Variants in PRRC2C observed in about 807,000 individuals in gnomAD.
PRRC2C encodes the protein protein PRRC2C.
In PRRC2C, 72 loss-of-function variants were observed where a neutral mutation model predicts 317.2. The ratio of observed to expected loss-of-function variants is 0.23; its 90% CI spans 0.19 to 0.28. The LOEUF (loss-of-function observed/expected upper bound fraction) is 0.28, where lower values mean the gene tolerates loss of function less well. PRRC2C is among the 10% of genes least tolerant of loss of function. The pLI, the probability that PRRC2C is intolerant of heterozygous loss-of-function variation, is 1.00. For synonymous variants in PRRC2C, 1,296 were observed against 1,205.9 expected, an observed-to-expected ratio of 1.07 and a Z score of -1.55; for missense variants, 3,074 against 3,459.7, an observed-to-expected ratio of 0.89 and a Z score of 2.80.
chr1:171,521,006 A>G (rs1039908919), intron 6 of PRRC2C, among the ~76,000 whole-genome samples: 4 of 151,800 alleles, frequency 2.6e-5, no homozygotes, highest in South Asian at 2.1e-4. Flanking sequence ...GGGTTTCACC[A>G]TGTTAGCCAG....
At chr1:171,545,729 A>ATTTT (rs1425685210) in intron 17 of PRRC2C, 42 bp downstream of exon 17, 1 of 1,090,386 alleles carries the variant, frequency 9.2e-7, no homozygotes, top group Non-Finnish European at 1.2e-6. Flanking sequence ...TTATTTATTT[A>ATTTT]TTTATTTATT....
chr1:171,561,368 C>G (rs1455361102), intron 20 of PRRC2C, among the ~76,000 whole-genome samples: 1 of 152,164 alleles, frequency 6.6e-6, no homozygotes, highest in East Asian at 1.9e-4. Context: ...TGGACTGTCA[C>G]TTGAGCCTGG....
intron 16 of PRRC2C, among the ~76,000 whole-genome samples, chr1:171,543,739 T>G (rs570698409): frequency 2.6e-5 from 4 of 152,356 alleles, no homozygotes; most frequent in Non-Finnish European, 2.9e-5. Flanking sequence ...TCTGTTGATA[T>G]AACTAAATAC....
intron 6 of PRRC2C, among the ~76,000 whole-genome samples, chr1:171,519,128 C>T (rs1387993384): frequency 6.6e-6 from 1 of 152,176 alleles, no homozygotes; most frequent in Non-Finnish European, 1.5e-5. Flanking sequence ...AAGTGATCCA[C>T]CCGCCTCAGC....
chr1:171,542,943 G>A (rs1286613409), intron 16 of PRRC2C, among the ~76,000 whole-genome samples: 4 of 151,594 alleles, frequency 2.6e-5, no homozygotes, highest in African/African-American at 7.3e-5. Flanking sequence ...TGTATTTTTA[G>A]TAGAGACGGG....
At chr1:171,494,692 G>A (rs1244012678) in intron 1 of PRRC2C, among the ~76,000 whole-genome samples, 6 of 151,752 alleles carry the variant, frequency 4.0e-5, no homozygotes, top group East Asian at 3.9e-4. Flanking sequence ...ACAAATTTCC[G>A]TATTTAGCAT....
intron 9 of PRRC2C, among the ~76,000 whole-genome samples, chr1:171,524,430 C>T (rs952348535): frequency 2.6e-5 from 4 of 152,008 alleles, no homozygotes; most frequent in Non-Finnish European, 5.9e-5. Flanking sequence ...TGTGGTTTGT[C>T]GTGGCTTTGA....
chr1:171,545,494 G>T lies in PRRC2C; in HGVS notation c.4779G>T (p.Gln1593His). The T allele has an allele frequency of 6.4e-7, 1 of 1,569,110 alleles. No homozygotes were observed. Among genetic ancestry groups the T allele is most frequent in the Non-Finnish European group, 8.6e-7 (1 of 1,156,534 alleles). ...TTTTTTGTAGGCCATTTGATGACCA[G>T]CCTGCAGGCACAACTGGGGTTGACC... ...KSGKRGPFDD[Q>H]PAGTTGVDLI... Residue 1593 changes from glutamine (Q) to histidine (H), a missense_variant, in exon 17 of 35, where the codon CAG becomes CAT. Gln to His is a conservative substitution (Grantham distance 24). Coordinates refer to ENST00000647382, the MANE Select transcript of PRRC2C (RefSeq NM_001387844.1).
chr1:171,489,609 C>G (rs1666745937), intron 1 of PRRC2C, among the ~76,000 whole-genome samples: 1 of 152,184 alleles, frequency 6.6e-6, no homozygotes, highest in Non-Finnish European at 1.5e-5. Flanking sequence ...TTCTTGAGCA[C>G]TTACTATGCC....
At chr1:171,586,580 A>ATTTTATTTTATTTT (rs1650063392) in intron 30 of PRRC2C, among the ~76,000 whole-genome samples, 1 of 148,222 alleles carries the variant, frequency 6.7e-6, no homozygotes, top group Admixed American at 6.8e-5. Flanking sequence ...ATTTTATTTT[A>ATTTTATTTTATTTT]TTTTATTTTA....
intron 26 of PRRC2C, among the ~76,000 whole-genome samples, chr1:171,578,281 G>A (rs974062852): frequency 1.1e-4 from 16 of 152,030 alleles, no homozygotes; most frequent in African/African-American, 3.9e-4. Context: ...GGCTGGGTGT[G>A]GTGGCTCATA....
intron 26 of PRRC2C, among the ~76,000 whole-genome samples, chr1:171,578,711 T>C (rs897353861): frequency 2.4e-4 from 36 of 152,000 alleles, no homozygotes; most frequent in Admixed American, 1.5e-3. Flanking sequence ...CTACTAAAAA[T>C]ACAAAAATTG....
At chr1:171,549,617 A>G (rs1245909605) in intron 17 of PRRC2C, among the ~76,000 whole-genome samples, 2 of 152,228 alleles carry the variant, frequency 1.3e-5, no homozygotes, top group African/African-American at 4.8e-5. Flanking sequence ...GCTGGAATGC[A>G]GTGGCACGGT....
chr1:171,584,921 G>A (rs1269603380), intron 30 of PRRC2C, among the ~76,000 whole-genome samples: 2 of 152,050 alleles, frequency 1.3e-5, no homozygotes, highest in African/African-American at 2.4e-5. Flanking sequence ...ACAGGCTCAC[G>A]CCATTATGCC....
chr1:171,557,679 C>T lies in PRRC2C; in HGVS notation c.5567C>T (p.Thr1856Ile). 1.9e-6 allele frequency: 3 copies of T among 1,551,658 alleles called. No individual in the cohort carries two copies. Among genetic ancestry groups the T allele is most frequent in the South Asian group, 2.4e-5 (2 of 84,054 alleles). ...TCAGTTTCAACCCCAGCTTCTGTCA[C>T]CATTCTTGCCTCAGCCTCAATTCCC... is the stretch of plus-strand genomic sequence containing the variant. The part of the protein sequence containing the change: ...LASVSTPASV[T>I]ILASASIPIL... The change falls in exon 19 of 35, where the codon ACC (threonine) becomes ATC (isoleucine). Residue 1856 changes from threonine (T) to isoleucine (I), a missense_variant. By Grantham distance (89) the Thr-to-Ile change is moderately conservative. Transcript: ENST00000647382.
At chr1:171,554,205 C>T (rs548594201) in intron 18 of PRRC2C, among the ~76,000 whole-genome samples, 1 of 152,212 alleles carries the variant, frequency 6.6e-6, no homozygotes, top group African/African-American at 2.4e-5. Flanking sequence ...TTGAATTGAT[C>T]CCTTTACCGT....
Position 171,587,056 on chromosome 1 carries a change from A to G in PRRC2C, c.7803A>G (p.Thr2601=), listed in dbSNP as rs773309061. Residue 2601 remains threonine (T), a synonymous_variant, in exon 31 of 35, where the codon ACA becomes ACG. Transcript: ENST00000647382. ...SQLSLPNFGS[T]GQPLIALPQT... is the part of the protein sequence containing the mutation. ...TTTCCTTGCCTAATTTTGGATCTAC[A>G]GGGCAACCTCTAATTGCTTTGCCTC... The G allele has an allele frequency of 6.8e-6, 11 of 1,611,898 alleles. No homozygotes were observed. Among genetic ancestry groups the G allele is most frequent in the Non-Finnish European group, 9.3e-6 (11 of 1,179,072 alleles).
chr1:171,534,001 T>C (rs553286752), intron 12 of PRRC2C, among the ~76,000 whole-genome samples: 2 of 152,332 alleles, frequency 1.3e-5, no homozygotes, highest in East Asian at 1.9e-4. Context: ...TGTGGAAATA[T>C]TGTAAGTTTT....
chr1:171,552,313 A>G lies in PRRC2C; in HGVS notation c.5127+2073A>G, dbSNP rs186213668. ...CTTGTGATTTTTGCACATTGATTTT[A>G]TATTCTGAGACTTTGCTGAAGTTGT... On this transcript the variant is annotated intron_variant, in intron 18 of 34. Coordinates refer to ENST00000647382, the MANE Select transcript of PRRC2C (RefSeq NM_001387844.1). Among the ~76,000 whole-genome samples the G allele has an allele frequency of 3.3e-3, 508 of 151,984 alleles. 6 individuals carry two copies. Among genetic ancestry groups the G allele is most frequent in the African/African-American group, 0.012 (483 of 41,464 alleles).
Sources: gnomAD v4.1 joint callset for allele counts (sites outside exome capture counted in the v4.1 genomes callset) on GRCh38, gnomAD v4.1.1 for gene constraint, MANE v1.5 for transcripts, NCBI Gene and HGNC (gene_info 2026-07-23, HGNC 2026-07-21) for gene names.